The following DAD1 variants were observed in gnomAD, a reference collection of about 807,000 sequenced individuals.
DAD1 encodes defender against cell death 1.
In DAD1, 4 loss-of-function variants were observed where a neutral mutation model predicts 9.0. The observed-to-expected ratio is 0.44, with a 90% CI of 0.22 to 1.01. The LOEUF (loss-of-function observed/expected upper bound fraction) is 1.01. DAD1 is among the 50% of genes least tolerant of loss of function. The probability of loss-of-function intolerance (pLI) is 0.24; values close to 1 mark genes in which losing one functional copy is unlikely to be tolerated. For missense variants in DAD1, 119 were observed against 137.3 expected, an observed-to-expected ratio of 0.87 and a Z score of 0.67; for synonymous variants, 60 against 62.5, an observed-to-expected ratio of 0.96 and a Z score of 0.19.
At chr14:22,581,076 TA>T (rs1167652563) in intron 1 of DAD1, among the ~76,000 whole-genome samples, 1 of 152,248 alleles carries the variant, frequency 6.6e-6, no homozygotes, top group African/African-American at 2.4e-5. Flanking sequence ...TCTATCCCCT[TA>T]AATGTCCATT....
At chr14:22,567,042 A>C (rs993332400) in intron 2 of DAD1, 2 of 152,240 alleles carry the variant, frequency 1.3e-5, no homozygotes, top group African/African-American at 2.4e-5. Flanking sequence ...CTGACTAATA[A>C]AATCTCCTCC....
intron 2 of DAD1, among the ~76,000 whole-genome samples, chr14:22,571,008 ATTT>A (rs59314743): frequency 0.049 from 7,136 of 145,732 alleles, 202 homozygotes; most frequent in African/African-American, 0.072. Flanking sequence ...ATGGACTGAG[ATTT>A]TTTTTTTTTT....
chr14:22,567,990 AAAAAG>A (rs753535683), intron 2 of DAD1, among the ~76,000 whole-genome samples: 2 of 152,224 alleles, frequency 1.3e-5, no homozygotes, highest in East Asian at 1.9e-4. Flanking sequence ...AAAATTTCTT[AAAAAG>A]AAAAGTTTAA....
chr14:22,578,252 TA>T (rs71115559), intron 1 of DAD1, among the ~76,000 whole-genome samples: 157 of 139,970 alleles, frequency 1.1e-3, no homozygotes, highest in Middle Eastern at 3.8e-3. Flanking sequence ...AAACTCCATC[TA>T]AAAAAAAAAA....
chr14:22,570,155 G>C (rs2037028389), intron 2 of DAD1, among the ~76,000 whole-genome samples: 1 of 151,480 alleles, frequency 6.6e-6, no homozygotes, highest in African/African-American at 2.4e-5. Context: ...AAACTAAATG[G>C]GCCCCTCCAC....
chr14:22,567,882 C>T (rs2037011742), intron 2 of DAD1, among the ~76,000 whole-genome samples: 1 of 152,100 alleles, frequency 6.6e-6, no homozygotes, highest in South Asian at 2.1e-4. Context: ...TTGAGATAGC[C>T]GGCCTTCATC....
chr14:22,568,670 C>T (rs1056087816), intron 2 of DAD1, among the ~76,000 whole-genome samples: 1 of 151,040 alleles, frequency 6.6e-6, no homozygotes, highest in Non-Finnish European at 1.5e-5. Context: ...GTTAACAGAG[C>T]AAAGCCTACA....
At chr14:22,588,785 A>G (rs956164292) in intron 1 of DAD1, among the ~76,000 whole-genome samples, 162 bp downstream of exon 1, 5 of 152,200 alleles carry the variant, frequency 3.3e-5, no homozygotes, top group African/African-American at 1.2e-4. Context: ...TAGGCATATA[A>G]TCTAAGCTTT....
chr14:22,580,064 C>T (rs981229555), intron 1 of DAD1, among the ~76,000 whole-genome samples: 4 of 151,766 alleles, frequency 2.6e-5, no homozygotes, highest in Non-Finnish European at 2.9e-5. Flanking sequence ...GCAATCCTCC[C>T]GCCTCTGCTT....
intron 2 of DAD1, among the ~76,000 whole-genome samples, chr14:22,571,313 CAAAAAAA>C (rs71115558): frequency 1.8e-4 from 21 of 115,382 alleles, no homozygotes; most frequent in African/African-American, 6.9e-4. Context: ...GACTCTGTCT[CAAAAAAA>C]AAAAAAAAAG....
intron 1 of DAD1, among the ~76,000 whole-genome samples, chr14:22,587,428 C>A (rs1038574613): frequency 1.3e-5 from 2 of 152,110 alleles, no homozygotes; most frequent in Admixed American, 1.3e-4. Flanking sequence ...AGTACCGTGG[C>A]AGAGGGCGGT....
At position 22,589,223 on chromosome 14, in the gene DAD1, G is replaced by A. The variant is rs1440770202; in HGVS notation, c.-66C>T. 1.9e-6 allele frequency: 3 copies of A among 1,558,614 alleles called. No individual in the cohort carries two copies. Among genetic ancestry groups the A allele is most frequent in the Non-Finnish European group, 2.6e-6 (3 of 1,135,390 alleles). On this transcript the variant is annotated 5_prime_UTR_variant, in exon 1 of 3. Coordinates refer to ENST00000250498, the MANE Select transcript of DAD1 (RefSeq NM_001344.4). ...GGAGGACCCGTCGACCACACCGGAT[G>A]TGCTGTTTGCGCATGCGCACCCTCG...
intron 1 of DAD1, among the ~76,000 whole-genome samples, chr14:22,576,197 G>A (rs1486414439): frequency 1.3e-5 from 2 of 151,948 alleles, no homozygotes; most frequent in African/African-American, 4.8e-5. Context: ...TTCTATTTAG[G>A]GATAATGATT....
At chr14:22,568,933 A>C (rs1024765068) in intron 2 of DAD1, among the ~76,000 whole-genome samples, 3 of 152,098 alleles carry the variant, frequency 2.0e-5, no homozygotes, top group Non-Finnish European at 4.4e-5. Flanking sequence ...TCCTGGGCTC[A>C]AGCGATCCTC....
chr14:22,580,505 T>C (rs898737472), intron 1 of DAD1, among the ~76,000 whole-genome samples: 5 of 151,726 alleles, frequency 3.3e-5, no homozygotes, highest in Admixed American at 6.6e-5. Context: ...TAGAAAAAAA[T>C]CTGAAGAAAT....
chr14:22,577,181 C>G (rs969456956), intron 1 of DAD1, among the ~76,000 whole-genome samples: 5 of 152,210 alleles, frequency 3.3e-5, no homozygotes, highest in Admixed American at 3.3e-4. Flanking sequence ...CACCTGCAAT[C>G]CCAGCACTTT....
chr14:22,569,427 C>T (rs1279302808), intron 2 of DAD1, among the ~76,000 whole-genome samples: 1 of 132,970 alleles, frequency 7.5e-6, no homozygotes, highest in Non-Finnish European at 1.6e-5. Flanking sequence ...AGCGAGACTC[C>T]GTCTCAAAAA....
intron 2 of DAD1, among the ~76,000 whole-genome samples, chr14:22,568,907 C>T (rs534436292): frequency 2.4e-4 from 36 of 152,068 alleles, no homozygotes; most frequent in Non-Finnish European, 4.3e-4. Context: ...CTATATCACC[C>T]ATGCTGGTCT....
intron 1 of DAD1, among the ~76,000 whole-genome samples, chr14:22,585,928 C>T (rs1218277335): frequency 6.6e-6 from 1 of 152,176 alleles, no homozygotes; most frequent in Admixed American, 6.5e-5. Context: ...CCCTCAGTGC[C>T]GGGTGTGGTG....
Sources: allele counts gnomAD v4.1 joint callset (sites outside exome capture counted in the v4.1 genomes callset), GRCh38; gene constraint gnomAD v4.1.1; transcripts MANE v1.5; gene names NCBI Gene and HGNC (gene_info 2026-07-23, HGNC 2026-07-21).